Variants in SNTB1 observed in about 807,000 individuals in gnomAD.
SNTB1 encodes the protein syntrophin beta 1.
In SNTB1, 36 loss-of-function variants were observed where a neutral mutation model predicts 48.9. The ratio of observed to expected loss-of-function variants is 0.74; its 90% CI spans 0.56 to 0.97. The LOEUF is 0.97. Ranked by LOEUF, SNTB1 falls within the 50% of genes least tolerant of loss-of-function variation. The pLI is 0.00. For synonymous variants in SNTB1, 299 were observed against 294.6 expected, an observed-to-expected ratio of 1.01 and a Z score of -0.15; for missense variants, 786 against 703.4, an observed-to-expected ratio of 1.12 and a Z score of -1.33.
intron 1 of SNTB1, among the ~76,000 whole-genome samples, chr8:120,780,178 G>C (rs890384361): frequency 1.3e-5 from 2 of 151,624 alleles, no homozygotes; most frequent in East Asian, 3.9e-4. Flanking sequence ...TCCAGAAAGA[G>C]GGCTGGTATG....
At chr8:120,742,759 T>G (rs773679079) in intron 1 of SNTB1, among the ~76,000 whole-genome samples, 12 of 152,210 alleles carry the variant, frequency 7.9e-5, no homozygotes, top group Non-Finnish European at 1.3e-4. Flanking sequence ...TAGGTATCTT[T>G]TAGATAGGGA....
intron 2 of SNTB1, among the ~76,000 whole-genome samples, chr8:120,652,494 C>T (rs142937485): frequency 1.4e-3 from 206 of 151,220 alleles, no homozygotes; most frequent in Non-Finnish European, 2.5e-3. Flanking sequence ...ACCTTGCCAT[C>T]GAGAGGGAAG....
chr8:120,603,002 G>A (rs2130721157), intron 3 of SNTB1, among the ~76,000 whole-genome samples: 2 of 151,872 alleles, frequency 1.3e-5, no homozygotes, highest in East Asian at 1.9e-4. Context: ...CATTTAAAAT[G>A]TACAATTCAA....
intron 1 of SNTB1, among the ~76,000 whole-genome samples, chr8:120,699,955 A>G (rs1587098626): frequency 1.3e-5 from 2 of 152,326 alleles, no homozygotes; most frequent in Admixed American, 1.3e-4. Context: ...TATGTTCCAT[A>G]TACTTTGCCA....
At chr8:120,704,693 A>G (rs966192839) in intron 1 of SNTB1, among the ~76,000 whole-genome samples, 2 of 152,206 alleles carry the variant, frequency 1.3e-5, no homozygotes, top group African/African-American at 4.8e-5. Flanking sequence ...GATGAGGTAC[A>G]TAATAGGTGT....
chr8:120,764,953 C>T (rs7459801), intron 1 of SNTB1, among the ~76,000 whole-genome samples: 3,492 of 152,160 alleles, frequency 0.023, 133 homozygotes, highest in African/African-American at 0.08. Flanking sequence ...CAGCTGGGGG[C>T]AGTGGCTCAT....
At chr8:120,737,517 C>T (rs1818968891) in intron 1 of SNTB1, among the ~76,000 whole-genome samples, 2 of 152,174 alleles carry the variant, frequency 1.3e-5, no homozygotes, top group African/African-American at 2.4e-5. Context: ...ATCTTATGAA[C>T]TAGCAATTTT....
At chr8:120,752,895 AAAT>A (rs1344266873) in intron 1 of SNTB1, among the ~76,000 whole-genome samples, 1 of 151,860 alleles carries the variant, frequency 6.6e-6, no homozygotes, top group African/African-American at 2.4e-5. Context: ...CTGGGTAATG[AAAT>A]AATTTGTACA....
rs145961304 is a variant in SNTB1 at position 120,637,646 on chromosome 8, G to A, written c.789-4995C>T. 3.0e-3 allele frequency: 907 copies of A among 307,160 alleles called. 6 individuals are homozygous for A. Among genetic ancestry groups the A allele is most frequent in the Non-Finnish European group, 3.1e-3 (486 of 156,240 alleles). The allele number at this position is 307,160 out of a possible 1,614,324, so 19.0% of individuals were successfully genotyped here. A position where few individuals can be genotyped will look rare whatever the true frequency, so the allele number is the denominator to read the frequency against. ...AAACAGCCAGGCTTCTTACTATAGG[G>A]TAAACATTTATTATTTTAGGAAGAA... is the stretch of plus-strand genomic sequence containing the variant. On this transcript the variant is annotated intron_variant, in intron 2 of 6. Coordinates refer to ENST00000517992, the MANE Select transcript of SNTB1 (RefSeq NM_021021.4).
chr8:120,683,217 T>A (rs147044719), intron 2 of SNTB1, among the ~76,000 whole-genome samples: 2 of 152,314 alleles, frequency 1.3e-5, no homozygotes, highest in Non-Finnish European at 2.9e-5. Flanking sequence ...AATGTTTAAC[T>A]TCTTATGTTA....
chr8:120,768,112 G>A (rs1819558284), intron 1 of SNTB1, among the ~76,000 whole-genome samples: 1 of 152,180 alleles, frequency 6.6e-6, no homozygotes, highest in South Asian at 2.1e-4. Flanking sequence ...TGGAAAGGCA[G>A]GCAGTTGATT....
chr8:120,564,564 G>A (rs557694805), intron 4 of SNTB1, among the ~76,000 whole-genome samples: 4 of 84,214 alleles, frequency 4.7e-5, no homozygotes, highest in African/African-American at 1.8e-4. Flanking sequence ...TATTATTCTG[G>A]TTTTTTTTTT....
At chr8:120,802,285 C>T (rs1031184061) in intron 1 of SNTB1, among the ~76,000 whole-genome samples, 1 of 151,970 alleles carries the variant, frequency 6.6e-6, no homozygotes, top group Non-Finnish European at 1.5e-5. Flanking sequence ...TCCATAATTA[C>T]TGGAAGATTG....
chr8:120,727,471 G>A (rs1431415577), intron 1 of SNTB1, among the ~76,000 whole-genome samples: 1 of 152,166 alleles, frequency 6.6e-6, no homozygotes, highest in Non-Finnish European at 1.5e-5. Flanking sequence ...AGCAAGAATA[G>A]TCACTACCTT....
At chr8:120,701,123 C>G (rs1587099640) in intron 1 of SNTB1, among the ~76,000 whole-genome samples, 2 of 152,122 alleles carry the variant, frequency 1.3e-5, no homozygotes, top group African/African-American at 4.8e-5. Flanking sequence ...AAGATTTACC[C>G]TCAATGGCAT....
At chr8:120,711,295 A>T (rs923588314) in intron 1 of SNTB1, among the ~76,000 whole-genome samples, 2 of 151,502 alleles carry the variant, frequency 1.3e-5, no homozygotes, top group African/African-American at 4.9e-5. Flanking sequence ...AATGTAAATA[A>T]CACCTTTAAA....
At chr8:120,571,406 A>G in intron 4 of SNTB1, 1 of 1,139,348 alleles carries the variant, frequency 8.8e-7, no homozygotes, top group African/African-American at 1.6e-5. Flanking sequence ...ATTGGGCCGA[A>G]TTCTCATGGA....
At chr8:120,763,787 A>ATT (rs58183270) in intron 1 of SNTB1, among the ~76,000 whole-genome samples, 2 of 150,556 alleles carry the variant, frequency 1.3e-5, no homozygotes, top group South Asian at 2.1e-4. Context: ...TCAACCTATG[A>ATT]TTTTTTTTTT....
chr8:120,556,264 C>T (rs1815565951), intron 4 of SNTB1, among the ~76,000 whole-genome samples: 1 of 152,116 alleles, frequency 6.6e-6, no homozygotes, highest in Non-Finnish European at 1.5e-5. Context: ...AGATGACAAG[C>T]AAAGAACATG....
Sources: allele counts gnomAD v4.1 joint callset (sites outside exome capture counted in the v4.1 genomes callset), GRCh38; gene constraint gnomAD v4.1.1; transcripts MANE v1.5; gene names NCBI Gene and HGNC (gene_info 2026-07-23, HGNC 2026-07-21).